The following THRB variants were observed in gnomAD, a reference collection of about 807,000 sequenced individuals.
The protein encoded by THRB is nuclear receptor subfamily 1 group A member 2.
Under a neutral mutation model 47.8 loss-of-function variants are expected in THRB, and 12 were observed. That is an observed-to-expected ratio of 0.25 (90% confidence interval 0.16 to 0.41). The LOEUF (loss-of-function observed/expected upper bound fraction) is 0.41, where lower values mean the gene tolerates loss of function less well. Among genes scored for constraint, THRB ranks in the 10% least tolerant of loss-of-function variants. The pLI, the probability that THRB is intolerant of heterozygous loss-of-function variation, is 1.00. For synonymous variants in THRB, 218 were observed against 212.2 expected (o/e 1.03, Z -0.24); for missense variants, 348 against 589.2 (o/e 0.59, Z 4.24).
chr3:24,164,197 T>C (rs928209054), intron 5 of THRB, among the ~76,000 whole-genome samples: 2 of 152,162 alleles, frequency 1.3e-5, no homozygotes, highest in Non-Finnish European at 2.9e-5. Flanking sequence ...TTGCCTCCCT[T>C]ATTTTATTTT....
intron 4 of THRB, among the ~76,000 whole-genome samples, chr3:24,214,926 C>A (rs10510540): frequency 1.3e-5 from 2 of 152,116 alleles, no homozygotes; most frequent in Non-Finnish European, 2.9e-5. Flanking sequence ...AATTAAACAT[C>A]CTTCATAGAC....
chr3:24,291,762 G>A (rs1303937486), intron 3 of THRB, among the ~76,000 whole-genome samples: 2 of 151,944 alleles, frequency 1.3e-5, no homozygotes, highest in African/African-American at 4.8e-5. Context: ...AATATAACTG[G>A]GGCTCTTTTG....
chr3:24,366,419 G>A (rs2064462657), intron 1 of THRB, among the ~76,000 whole-genome samples: 1 of 152,120 alleles, frequency 6.6e-6, no homozygotes, highest in Non-Finnish European at 1.5e-5. Flanking sequence ...GATGGCGGGA[G>A]TGAGGGACCA....
intron 3 of THRB, among the ~76,000 whole-genome samples, chr3:24,285,898 G>A (rs2055230045): frequency 6.6e-6 from 1 of 152,186 alleles, no homozygotes; most frequent in Non-Finnish European, 1.5e-5. Context: ...AAATCCACAT[G>A]TTGAAGCACT....
chr3:24,269,022 G>A (rs1208224569), intron 3 of THRB, among the ~76,000 whole-genome samples: 1 of 152,142 alleles, frequency 6.6e-6, no homozygotes, highest in Middle Eastern at 3.2e-3. Context: ...GTATTATATA[G>A]TTTGTCACAG....
rs2048523382 is a variant in THRB at position 24,233,591 on chromosome 3, G to GAAAGAAAGAAAGAGAAAGAAAGAAAAAT, written c.-42-4591_-42-4590insATTTTTCTTTCTTTCTCTTTCTTTCTTT. Among the ~76,000 whole-genome samples the GAAAGAAAGAAAGAGAAAGAAAGAAAAAT allele has an allele frequency of 1.0e-3, 71 of 69,410 alleles. 1 individual carries two copies. The highest frequency in any genetic ancestry group is 2.5e-3 in the African/African-American group (71 of 28,018). 45.5% of individuals were successfully genotyped at this position (69,410 alleles called of 152,430 possible). On this transcript the variant is annotated intron_variant, in intron 3 of 10. Transcript: ENST00000646209. ...AGAAAGAAAGAAAGAAAGAAAGAAA[G>GAAAGAAAGAAAGAGAAAGAAAGAAAAAT]AAAGAAAGAAAGAAAGAAAGAAAGA...
chr3:24,409,691 A>G (rs1361600630), intron 1 of THRB, among the ~76,000 whole-genome samples: 2 of 151,880 alleles, frequency 1.3e-5, no homozygotes, highest in Non-Finnish European at 2.9e-5. Context: ...TTTTAAAAAG[A>G]GGAGAACATC....
intron 3 of THRB, 116 bp from the exon 4 acceptor site, chr3:24,229,117 A>G: frequency 1.4e-6 from 1 of 696,694 alleles, no homozygotes. Context: ...TGTTACTCTC[A>G]ACTCAGAACT....
At chr3:24,450,193 A>C (rs888861999) in intron 1 of THRB, among the ~76,000 whole-genome samples, 2 of 152,250 alleles carry the variant, frequency 1.3e-5, no homozygotes, top group African/African-American at 4.8e-5. Context: ...TATAATGTAC[A>C]ACTGTACCTT....
chr3:24,421,511 G>A (rs987118199), intron 1 of THRB, among the ~76,000 whole-genome samples: 2 of 151,802 alleles, frequency 1.3e-5, no homozygotes, highest in African/African-American at 2.4e-5. Flanking sequence ...TGTCATTATA[G>A]TGTCTTTCTT....
intron 3 of THRB, among the ~76,000 whole-genome samples, chr3:24,279,295 A>G (rs926553945): frequency 3.3e-5 from 5 of 152,232 alleles, no homozygotes; most frequent in African/African-American, 9.6e-5. Flanking sequence ...AAACACCTGG[A>G]AAGTTCATGA....
intron 2 of THRB, among the ~76,000 whole-genome samples, chr3:24,331,066 G>A (rs767389769): frequency 3.3e-5 from 5 of 152,028 alleles, no homozygotes; most frequent in Non-Finnish European, 4.4e-5. Flanking sequence ...AAGGAGTTCC[G>A]AAAGAGCTGG....
chr3:24,495,578 TTGCC>T (rs560956809), upstream of THRB: 3 of 152,294 alleles, frequency 2.0e-5, no homozygotes, highest in South Asian at 6.2e-4. Flanking sequence ...ACCCACCCGA[TTGCC>T]TGCGCGCATA....
chr3:24,161,795 C>G (rs929484635), intron 5 of THRB, among the ~76,000 whole-genome samples: 1 of 152,086 alleles, frequency 6.6e-6, no homozygotes, highest in African/African-American at 2.4e-5. Flanking sequence ...CATATACAAT[C>G]AGAACCAAAA....
intron 5 of THRB, among the ~76,000 whole-genome samples, chr3:24,185,230 T>A (rs1362325937): frequency 6.6e-6 from 1 of 152,208 alleles, no homozygotes; most frequent in East Asian, 1.9e-4. Flanking sequence ...AAGTCAGGAC[T>A]CAGAATATTT....
chr3:24,323,089 G>A (rs562196019), intron 2 of THRB, among the ~76,000 whole-genome samples: 1 of 152,110 alleles, frequency 6.6e-6, no homozygotes, highest in East Asian at 1.9e-4. Flanking sequence ...TGGTGTTTAG[G>A]GTTTCCATAA....
chr3:24,299,328 A>G (rs1472229729), intron 2 of THRB, among the ~76,000 whole-genome samples: 1 of 151,938 alleles, frequency 6.6e-6, no homozygotes, highest in Non-Finnish European at 1.5e-5. Context: ...GGAAACTAAG[A>G]ATCATGCATT....
At chr3:24,134,736 C>T (rs867225259) in intron 8 of THRB, among the ~76,000 whole-genome samples, 3 of 152,254 alleles carry the variant, frequency 2.0e-5, no homozygotes, top group Middle Eastern at 3.4e-3. Flanking sequence ...TGAATGTGAC[C>T]AAGGAGATCA....
chr3:24,433,527 G>A (rs776538801), intron 1 of THRB, among the ~76,000 whole-genome samples: 1 of 152,106 alleles, frequency 6.6e-6, no homozygotes, highest in Non-Finnish European at 1.5e-5. Flanking sequence ...AATTAGTTCT[G>A]CAGACCCTTT....
Sources: allele counts gnomAD v4.1 joint callset (sites outside exome capture counted in the v4.1 genomes callset), GRCh38; gene constraint gnomAD v4.1.1; transcripts MANE v1.5; gene names NCBI Gene and HGNC (gene_info 2026-07-23, HGNC 2026-07-21).